The following CDK19 variants were observed in gnomAD, a reference collection of about 807,000 sequenced individuals.
CDK19 encodes the protein cyclin-dependent kinase 19.
CDK19 carries 20 observed loss-of-function variants against 68.3 expected under a neutral mutation model. The observed-to-expected ratio is 0.29, with a 90% CI of 0.21 to 0.43. CDK19 has a LOEUF of 0.43. CDK19 is among the 20% of genes least tolerant of loss of function. The pLI is 1.00. For missense variants in CDK19, 339 were observed against 623.5 expected (o/e 0.54, Z 4.86); for synonymous variants, 221 against 222.8 (o/e 0.99, Z 0.07).
Position 110,765,173 on chromosome 6 carries a change from T to G in CDK19, c.129-18972A>C, listed in dbSNP as rs555226960. The stretch of plus-strand genomic sequence containing the variant: ...TGGCTCATGCCTATAATCTCAACAC[T>G]TTGGAAGGCTGAAGTGGGAGAATTG... On this transcript the variant is annotated intron_variant, in intron 1 of 12. Transcript: ENST00000368911. Among the ~76,000 whole-genome samples, 60 of 151,876 alleles carry G rather than the reference T, an allele frequency of 4.0e-4. 2 individuals carry two copies. In the South Asian group the frequency reaches 9.2e-3, roughly 23 times the overall value.
In CDK19 at chr6:110,611,463, G is replaced by A. The variant is rs561335167; in HGVS notation, c.*3072C>T. Reference sequence around the variant, plus strand: ...TCAAAGGTCTCCTTAGAGGTCCCACGGTTTGAGGGCCCTTACGTGTGTTAA... The same window carrying A: ...TCAAAGGTCTCCTTAGAGGTCCCACAGTTTGAGGGCCCTTACGTGTGTTAA... On this transcript the variant is annotated 3_prime_UTR_variant, in exon 13 of 13. Transcript: ENST00000368911. 6 of 152,346 alleles carry A rather than the reference G, an allele frequency of 3.9e-5. No individual in the cohort carries two copies. The highest frequency in any genetic ancestry group is 1.4e-4 in the African/African-American group (6 of 41,580). 9.4% of individuals were successfully genotyped at this position (152,346 alleles called of 1,614,324 possible).
At chr6:110,756,018 G>T (rs1410427598) in intron 1 of CDK19, among the ~76,000 whole-genome samples, 1 of 152,128 alleles carries the variant, frequency 6.6e-6, no homozygotes, top group Non-Finnish European at 1.5e-5. Flanking sequence ...CCAACACTTT[G>T]GGAGACCAAG....
intron 8 of CDK19, among the ~76,000 whole-genome samples, chr6:110,624,867 A>G (rs1215156716): frequency 6.6e-6 from 1 of 152,178 alleles, no homozygotes; most frequent in African/African-American, 2.4e-5. Flanking sequence ...TCATTCACCA[A>G]TTGTGTGATC....
chr6:110,763,626 G>A (rs1019279298), intron 1 of CDK19, among the ~76,000 whole-genome samples: 1 of 151,878 alleles, frequency 6.6e-6, no homozygotes, highest in Admixed American at 6.6e-5. Flanking sequence ...TGTTGGTCAG[G>A]CTGGTCTCAA....
chr6:110,809,022 CG>C (rs1448599553), intron 1 of CDK19, among the ~76,000 whole-genome samples: 1 of 149,400 alleles, frequency 6.7e-6, no homozygotes, highest in African/African-American at 2.5e-5. Flanking sequence ...CTGGCTAACA[CG>C]GGGAAACCCC....
intron 1 of CDK19, among the ~76,000 whole-genome samples, chr6:110,750,635 A>T (rs1778415521): frequency 6.6e-6 from 1 of 152,216 alleles, no homozygotes; most frequent in Non-Finnish European, 1.5e-5. Context: ...AAATGAAAAT[A>T]TCTCGGAAGT....
chr6:110,629,977 C>T (rs1424295735), intron 6 of CDK19, among the ~76,000 whole-genome samples: 2 of 152,130 alleles, frequency 1.3e-5, no homozygotes, highest in African/African-American at 2.4e-5. Context: ...TGGTTTTCAA[C>T]TCATATCCGA....
intron 1 of CDK19, among the ~76,000 whole-genome samples, chr6:110,769,577 A>AATAATAAT (rs1562273723): frequency 1.4e-5 from 2 of 146,314 alleles, no homozygotes; most frequent in African/African-American, 2.5e-5. Flanking sequence ...AAAAAAAAAA[A>AATAATAAT]AATAATAATA....
intron 1 of CDK19, among the ~76,000 whole-genome samples, chr6:110,747,981 ACAT>A (rs1778197199): frequency 6.6e-6 from 1 of 152,250 alleles, no homozygotes. Context: ...TAAATTTTAT[ACAT>A]TTAATAATTA....
At chr6:110,695,981 G>A (rs183144400) in intron 2 of CDK19, among the ~76,000 whole-genome samples, 5 of 151,966 alleles carry the variant, frequency 3.3e-5, no homozygotes, top group East Asian at 1.9e-4. Context: ...AGAGGAAATC[G>A]TCCCTAAATC....
intron 4 of CDK19, among the ~76,000 whole-genome samples, chr6:110,655,033 G>A (rs1328988934): frequency 6.6e-6 from 1 of 151,966 alleles, no homozygotes; most frequent in Admixed American, 6.6e-5. Flanking sequence ...CTGAATAACG[G>A]TTTTTAAAAG....
chr6:110,660,593 T>G (rs1474680525), intron 4 of CDK19, among the ~76,000 whole-genome samples: 1 of 151,606 alleles, frequency 6.6e-6, no homozygotes, highest in Non-Finnish European at 1.5e-5. Context: ...AAAGTGGCTC[T>G]CAGCAGGAAG....
chr6:110,651,898 TAATA>T (rs1232069881), intron 4 of CDK19, among the ~76,000 whole-genome samples: 5 of 151,882 alleles, frequency 3.3e-5, no homozygotes, highest in African/African-American at 1.2e-4. Flanking sequence ...AAGAAAGAAA[TAATA>T]AATAAATAAA....
At chr6:110,642,819 A>C (rs916761989) in intron 4 of CDK19, among the ~76,000 whole-genome samples, 4 of 151,800 alleles carry the variant, frequency 2.6e-5, no homozygotes, top group African/African-American at 9.7e-5. Context: ...AGGAAGGGGA[A>C]AGGAGAGTAG....
intron 8 of CDK19, among the ~76,000 whole-genome samples, chr6:110,623,769 TATATATAC>T (rs1562129732): frequency 2.3e-5 from 2 of 88,494 alleles, no homozygotes; most frequent in African/African-American, 1.1e-4. Context: ...TATATACACA[TATATATAC>T]ATATATACAC....
chr6:110,784,713 G>A (rs1781075805), intron 1 of CDK19, among the ~76,000 whole-genome samples: 1 of 152,038 alleles, frequency 6.6e-6, no homozygotes, highest in East Asian at 1.9e-4. Context: ...AATCATAATA[G>A]CCTAAAAGTG....
chr6:110,699,400 G>A (rs892326751), intron 2 of CDK19, among the ~76,000 whole-genome samples: 2 of 150,312 alleles, frequency 1.3e-5, no homozygotes, highest in Admixed American at 6.7e-5. Context: ...ATTCCAGCTC[G>A]GGCAAGAGAG....
At chr6:110,762,362 G>A (rs1779287436) in intron 1 of CDK19, among the ~76,000 whole-genome samples, 1 of 152,074 alleles carries the variant, frequency 6.6e-6, no homozygotes, top group African/African-American at 2.4e-5. Context: ...CTAGCCTGAG[G>A]TCAAAGCTCT....
At chr6:110,789,285 CTT>C (rs553847560) in intron 1 of CDK19, among the ~76,000 whole-genome samples, 3 of 145,432 alleles carry the variant, frequency 2.1e-5, no homozygotes, top group Non-Finnish European at 1.5e-5. Context: ...TAAATTTTAA[CTT>C]TTTTTTTTTT....
Sources: allele counts gnomAD v4.1 joint callset (sites outside exome capture counted in the v4.1 genomes callset), GRCh38; gene constraint gnomAD v4.1.1; transcripts MANE v1.5; gene names NCBI Gene and HGNC (gene_info 2026-07-23, HGNC 2026-07-21).